Variants in SPTBN1 observed in about 807,000 individuals in gnomAD.
SPTBN1 encodes the protein spectrin beta, non-erythrocytic 1.
In SPTBN1, 32 loss-of-function variants were observed where a neutral mutation model predicts 266.4. The observed-to-expected ratio is 0.12, with a 90% CI of 0.09 to 0.16. The LOEUF is 0.16. Among genes scored for constraint, SPTBN1 ranks in the 10% least tolerant of loss-of-function variants. The probability of loss-of-function intolerance (pLI) is 1.00; values close to 1 mark genes in which losing one functional copy is unlikely to be tolerated. For missense variants in SPTBN1, 2,296 were observed against 3,067.1 expected (o/e 0.75, Z 5.94); for synonymous variants, 1,336 against 1,162.2 (o/e 1.15, Z -3.04).
intron 2 of SPTBN1, among the ~76,000 whole-genome samples, chr2:54,591,094 G>A (rs2104624910): frequency 6.6e-6 from 1 of 152,228 alleles, no homozygotes; most frequent in South Asian, 2.1e-4. Flanking sequence ...TCTTTGTAAT[G>A]TCTTTTTGTT....
rs1677267125 is a variant in SPTBN1 at position 54,612,256 on chromosome 2, C to T, written c.396C>T (p.Asn132=). The change falls in exon 4 of 36, where the codon AAC becomes AAT. Residue 132 remains asparagine (N), a synonymous_variant. Coordinates refer to ENST00000356805, the MANE Select transcript of SPTBN1 (RefSeq NM_003128.3). ...AGGAGCAGAGAGTCCATCTTGAGAA[C>T]ATGGGGTCCCATGACATCGTGGATG... ...FLKEQRVHLE[N]MGSHDIVDGN... The T allele has an allele frequency of 1.2e-6, 2 of 1,614,144 alleles. No individual in the cohort carries two copies. Among genetic ancestry groups the T allele is most frequent in the Non-Finnish European group, 1.7e-6 (2 of 1,179,972 alleles).
intron 2 of SPTBN1, among the ~76,000 whole-genome samples, chr2:54,550,752 T>G (rs1290379194): frequency 1.3e-5 from 2 of 152,202 alleles, no homozygotes; most frequent in Non-Finnish European, 2.9e-5. Flanking sequence ...CCCTTGTGTT[T>G]GTGTATGCAT....
intron 1 of SPTBN1, among the ~76,000 whole-genome samples, chr2:54,457,503 G>A (rs1384691627): frequency 6.6e-6 from 1 of 152,242 alleles, no homozygotes; most frequent in Non-Finnish European, 1.5e-5. Flanking sequence ...TGAGGACAGG[G>A]TGCGTGTGGG....
intron 2 of SPTBN1, among the ~76,000 whole-genome samples, chr2:54,576,055 C>G (rs1340184619): frequency 1.1e-4 from 2 of 18,732 alleles, no homozygotes; most frequent in African/African-American, 5.3e-4. Flanking sequence ...TCAGATCCAG[C>G]TTTTTTTTTT....
intron 2 of SPTBN1, among the ~76,000 whole-genome samples, chr2:54,563,195 T>G (rs1408406584): frequency 6.6e-6 from 1 of 152,202 alleles, no homozygotes; most frequent in East Asian, 1.9e-4. Flanking sequence ...ATGCCCACCC[T>G]AACCTGGTTC....
At chr2:54,517,682 G>A (rs576876338) in intron 1 of SPTBN1, among the ~76,000 whole-genome samples, 1 of 148,594 alleles carries the variant, frequency 6.7e-6, no homozygotes, top group Non-Finnish European at 1.5e-5. Context: ...GTCTCGCTCT[G>A]CCACCCAGGC....
intron 19 of SPTBN1, among the ~76,000 whole-genome samples, chr2:54,643,502 A>G (rs902079772): frequency 1.4e-4 from 22 of 152,110 alleles, no homozygotes; most frequent in Admixed American, 1.2e-3. Flanking sequence ...AAATATATAC[A>G]TATTTTTTAA....
intron 32 of SPTBN1, chr2:54,660,727 C>G: frequency 1.0e-6 from 1 of 985,148 alleles, no homozygotes. Context: ...TTTTTTCTGC[C>G]AAGTCCTGAA....
At chr2:54,581,732 C>T (rs562014249) in intron 2 of SPTBN1, among the ~76,000 whole-genome samples, 3 of 152,246 alleles carry the variant, frequency 2.0e-5, no homozygotes, top group South Asian at 4.1e-4. Flanking sequence ...TTCCTCCTCA[C>T]TGACTAATTA....
chr2:54,607,069 T>C (rs772653774), intron 3 of SPTBN1, among the ~76,000 whole-genome samples: 1 of 152,246 alleles, frequency 6.6e-6, no homozygotes, highest in Admixed American at 6.5e-5. Context: ...AATCCACCTC[T>C]TTCTTTTTTT....
chr2:54,478,868 A>T (rs1182060403), intron 1 of SPTBN1, among the ~76,000 whole-genome samples: 12 of 152,074 alleles, frequency 7.9e-5, no homozygotes, highest in Admixed American at 6.6e-4. Flanking sequence ...CCAGAGATAA[A>T]AAAAGATGTA....
At chr2:54,627,973 G>A (rs1475931991) in intron 12 of SPTBN1, 124 bp from the exon 13 acceptor site, 1 of 1,101,440 alleles carries the variant, frequency 9.1e-7, no homozygotes. Flanking sequence ...GAAGGTGTGG[G>A]GTCCATGGCA....
intron 26 of SPTBN1, among the ~76,000 whole-genome samples, chr2:54,652,308 T>G (rs1680352937): frequency 6.6e-6 from 1 of 152,222 alleles, no homozygotes; most frequent in Non-Finnish European, 1.5e-5. Flanking sequence ...AAAAAAAAGG[T>G]AAGAATGTAA....
At chr2:54,498,161 C>A (rs959677827) in intron 1 of SPTBN1, among the ~76,000 whole-genome samples, 1 of 152,044 alleles carries the variant, frequency 6.6e-6, no homozygotes, top group Non-Finnish European at 1.5e-5. Flanking sequence ...GGAGCCAAAC[C>A]CAGACTGAAA....
chr2:54,527,209 C>G (rs1400910292), intron 2 of SPTBN1: 1 of 152,220 alleles, frequency 6.6e-6, no homozygotes, highest in African/African-American at 2.4e-5. Context: ...TTCTGTGGCT[C>G]TGAAAACTCA....
intron 24 of SPTBN1, 97 bp downstream of exon 24, chr2:54,647,358 A>G (rs991167168): frequency 6.6e-6 from 10 of 1,513,002 alleles, no homozygotes; most frequent in Non-Finnish European, 8.9e-6. Context: ...AGCATTCATC[A>G]TGACTTGCTG....
In SPTBN1 at chr2:54,523,721, G is replaced by A. The variant is rs138435312; in HGVS notation, c.-47-2651G>A. ...TTTGTGTGGTGGCATATGTGAGGGG[G>A]AAGAATCATCTCTTGAATGATCCTT... On this transcript the variant is annotated intron_variant, in intron 1 of 35. Transcript: ENST00000356805. 6.0e-4 allele frequency among the ~76,000 whole-genome samples: 92 copies of A among 152,296 alleles called. 1 individual carries two copies. Among genetic ancestry groups the A allele is most frequent in the African/African-American group, 1.8e-3 (73 of 41,550 alleles).
intron 2 of SPTBN1, chr2:54,528,155 T>A (rs542504181): frequency 1.1e-4 from 17 of 152,798 alleles, no homozygotes; most frequent in African/African-American, 4.1e-4. Flanking sequence ...TGGCTTGTGC[T>A]AGTAAAGTGA....
intron 32 of SPTBN1, chr2:54,661,493 A>C: frequency 1.0e-6 from 1 of 985,538 alleles, no homozygotes; most frequent in Non-Finnish European, 1.2e-6. Flanking sequence ...GTTTTTCCTT[A>C]TCTCTATGTA....
Sources: allele counts gnomAD v4.1 joint callset (sites outside exome capture counted in the v4.1 genomes callset), GRCh38; gene constraint gnomAD v4.1.1; transcripts MANE v1.5; gene names NCBI Gene and HGNC (gene_info 2026-07-23, HGNC 2026-07-21).